Variants in RNF150 observed in about 807,000 individuals in gnomAD.
The protein encoded by RNF150 is ring finger protein 150.
Under a neutral mutation model 39.3 loss-of-function variants are expected in RNF150, and 24 were observed. The observed-to-expected ratio is 0.61, with a 90% CI of 0.44 to 0.86. RNF150 has a LOEUF of 0.86. Ranked by LOEUF, RNF150 falls within the 40% of genes least tolerant of loss-of-function variation. The pLI, the probability that RNF150 is intolerant of heterozygous loss-of-function variation, is 0.00. For missense variants in RNF150, 502 were observed against 587.8 expected (o/e 0.85, Z 1.51); for synonymous variants, 255 against 227.3 (o/e 1.12, Z -1.10).
intron 1 of RNF150, among the ~76,000 whole-genome samples, chr4:140,970,465 T>TC (rs386680183): frequency 3.8e-5 from 4 of 106,292 alleles, no homozygotes; most frequent in African/African-American, 1.3e-4. Context: ...TCCTTCACTA[T>TC]CCCCCTCCCC....
At position 141,003,564 on chromosome 4, in the gene RNF150, C is replaced by T. The variant is rs561254040; in HGVS notation, c.485-35691G>A. On this transcript the variant is annotated intron_variant, in intron 1 of 6. Coordinates refer to ENST00000515673, the MANE Select transcript of RNF150 (RefSeq NM_020724.2). ...CTCAACATTCACCCAATCCCTAGCA[C>T]GTACACACACACACACACACACACA... Among the ~76,000 whole-genome samples the T allele has an allele frequency of 4.7e-3, 480 of 103,008 alleles. 2 individuals carry two copies. The highest frequency in any genetic ancestry group is 0.014 in the African/African-American group (453 of 31,568). The allele number at this position is 103,008 out of a possible 152,430, so 67.6% of individuals were successfully genotyped here.
At chr4:141,150,295 G>GA (rs1029436128) in intron 1 of RNF150, among the ~76,000 whole-genome samples, 2 of 152,122 alleles carry the variant, frequency 1.3e-5, no homozygotes, top group African/African-American at 4.8e-5. Context: ...GTTGCCCAGG[G>GA]AAAAAACCTT....
intron 1 of RNF150, among the ~76,000 whole-genome samples, chr4:141,036,650 T>A (rs1165341517): frequency 6.6e-6 from 1 of 152,176 alleles, no homozygotes; most frequent in Non-Finnish European, 1.5e-5. Context: ...GTGGGCTGCA[T>A]GAAGGGAAAA....
intron 4 of RNF150, among the ~76,000 whole-genome samples, chr4:140,936,250 A>G (rs1271080766): frequency 1.3e-5 from 2 of 152,138 alleles, no homozygotes; most frequent in Admixed American, 1.3e-4. Context: ...CCACTCTTGC[A>G]TCAGTCTTTC....
intron 1 of RNF150, among the ~76,000 whole-genome samples, chr4:141,146,245 G>A (rs918123298): frequency 2.6e-5 from 4 of 152,164 alleles, no homozygotes; most frequent in African/African-American, 9.7e-5. Flanking sequence ...AAATAATAGA[G>A]CCTTTGACCC....
chr4:140,997,350 C>A (rs73858679), intron 1 of RNF150, among the ~76,000 whole-genome samples: 11,540 of 152,060 alleles, frequency 0.076, 494 homozygotes, highest in Middle Eastern at 0.16. Flanking sequence ...TGGCTAGGTG[C>A]GGTGGCTCAT....
In RNF150 at chr4:140,923,224, G is replaced by A. The variant is rs567386238; in HGVS notation, c.987+2753C>T. ...GAAAATTTTCGCAACCTACTCATCT[G>A]ACAAAGGGCTAATATCCAGAATCTA... On this transcript the variant is annotated intron_variant, in intron 5 of 6. Coordinates refer to ENST00000515673, the MANE Select transcript of RNF150 (RefSeq NM_020724.2). Among the ~76,000 whole-genome samples, 191 of 152,196 alleles carry A rather than the reference G, an allele frequency of 1.3e-3. 1 individual carries two copies. Among genetic ancestry groups the A allele is most frequent in the African/African-American group, 4.2e-3 (176 of 41,510 alleles).
rs1159684161 is a variant in RNF150, at chr4:141,132,193, G to T, written c.484+132C>A. 5.5e-6 allele frequency: 5 copies of T among 901,192 alleles called. No individual in the cohort carries two copies. The highest frequency in any genetic ancestry group is 3.5e-5 in the South Asian group (2 of 57,198). 55.8% of individuals were successfully genotyped at this position (901,192 alleles called of 1,614,324 possible). On this transcript the variant is annotated intron_variant, in intron 1 of 6. Transcript: ENST00000515673. This position sits in a 1 kb window ranked among gnomAD's most constrained non-coding sequence, Gnocchi z 4.9. The stretch of plus-strand genomic sequence containing the variant: ...AAGTGACGCGGAGCAAAACTTAATC[G>T]GTCCAGGGAACCCAGACACGTCTTC...
chr4:141,132,642 C>G lies in RNF150; in HGVS notation c.167G>C (p.Gly56Ala). ...GCCGCCGCCGCCCGCCGCCCCGGCC[C>G]CGGGGTCCGGCGCGGGCTCGGCGTA... is the stretch of plus-strand genomic sequence containing the variant. ...ITYAEPAPDP[G>A]AGAAGGGGAE... is the part of the protein sequence containing the mutation. The change falls in exon 1 of 7, where the codon GGG becomes GCG. Residue 56 changes from glycine (G) to alanine (A), a missense_variant. By Grantham distance (60) the Gly-to-Ala change is moderately conservative (BLOSUM62 0). Transcript: ENST00000515673. The surrounding 1 kb of genome is among the most constrained non-coding windows in gnomAD (Gnocchi z 4.9). 1.3e-6 allele frequency: 2 copies of G among 1,598,396 alleles called. No homozygotes were observed. Among genetic ancestry groups the G allele is most frequent in the South Asian group, 2.2e-5 (2 of 89,374 alleles).
intron 1 of RNF150, among the ~76,000 whole-genome samples, chr4:141,055,131 T>A (rs1428441197): frequency 6.6e-6 from 1 of 152,108 alleles, no homozygotes; most frequent in Non-Finnish European, 1.5e-5. Context: ...TTGGGAATAA[T>A]CACAAAGTCT....
At chr4:140,934,430 G>T (rs2111341170) in intron 4 of RNF150, among the ~76,000 whole-genome samples, 1 of 152,030 alleles carries the variant, frequency 6.6e-6, no homozygotes, top group South Asian at 2.1e-4. Context: ...AAGCAAATAT[G>T]ATAGCAGTTT....
At position 140,861,603 on chromosome 4, in the gene RNF150, A is replaced by T. The variant is rs1728493782; in HGVS notation, c.*6658T>A. The T allele has an allele frequency of 6.6e-6, 1 of 152,242 alleles. No individual in the cohort carries two copies. Among genetic ancestry groups the T allele is most frequent in the Non-Finnish European group, 1.5e-5 (1 of 68,040 alleles). The allele number at this position is 152,242 out of a possible 1,614,324, so 9.4% of individuals were successfully genotyped here. A position where few individuals can be genotyped will look rare whatever the true frequency, so the allele number is the denominator to read the frequency against. The stretch of plus-strand genomic sequence containing the variant: ...TGAACAGTAAGTACCATGGATGCCA[A>T]CACAAATTCAGACCGAAAAGTCCAT... On this transcript the variant is annotated 3_prime_UTR_variant, in exon 7 of 7. Transcript: ENST00000515673.
chr4:141,033,117 A>G (rs1386099462), intron 1 of RNF150, among the ~76,000 whole-genome samples: 3 of 152,168 alleles, frequency 2.0e-5, no homozygotes, highest in Non-Finnish European at 4.4e-5. Flanking sequence ...GTTTGACAGC[A>G]TTTTCTCCAT....
At chr4:141,014,602 A>AT (rs1187135254) in intron 1 of RNF150, among the ~76,000 whole-genome samples, 1 of 151,494 alleles carries the variant, frequency 6.6e-6, no homozygotes, top group African/African-American at 2.4e-5. Context: ...GAAACTGAGC[A>AT]TTTTTCAGGT....
intron 1 of RNF150, among the ~76,000 whole-genome samples, chr4:141,039,403 AG>A (rs1360225601): frequency 6.6e-6 from 1 of 151,406 alleles, no homozygotes; most frequent in African/African-American, 2.4e-5. Context: ...AGGTAGAGAA[AG>A]AAAGGGGAGG....
chr4:141,165,117 C>T (rs375111453), intron 1 of RNF150, among the ~76,000 whole-genome samples: 46 of 151,952 alleles, frequency 3.0e-4, no homozygotes, highest in East Asian at 1.2e-3. Flanking sequence ...ACCAAGCAAA[C>T]GGAAAGCAAA....
At chr4:141,180,577 T>C (rs1029128329) in intron 1 of RNF150, among the ~76,000 whole-genome samples, 6 of 152,174 alleles carry the variant, frequency 3.9e-5, no homozygotes, top group Admixed American at 1.3e-4. Flanking sequence ...TCATATATTA[T>C]AGCATCAAAA....
At chr4:140,929,670 T>C (rs893627805) in intron 4 of RNF150, among the ~76,000 whole-genome samples, 65 of 152,106 alleles carry the variant, frequency 4.3e-4, no homozygotes, top group African/African-American at 1.5e-3. Context: ...CCGGCCTGGA[T>C]GCTTAGTTTT....
chr4:141,163,481 G>A (rs1186595802), intron 1 of RNF150, among the ~76,000 whole-genome samples: 2 of 152,172 alleles, frequency 1.3e-5, no homozygotes, highest in Non-Finnish European at 2.9e-5. Flanking sequence ...CCTTAACTGG[G>A]TCTCTGGGCC....
Sources: gnomAD v4.1 joint callset for allele counts (sites outside exome capture counted in the v4.1 genomes callset) on GRCh38, gnomAD v4.1.1 for gene constraint, Gnocchi (gnomAD v3.1) non-coding constraint, MANE v1.5 for transcripts, NCBI Gene and HGNC (gene_info 2026-07-23, HGNC 2026-07-21) for gene names.